The following NT5DC1 variants were observed in gnomAD, a reference collection of about 807,000 sequenced individuals.
The protein encoded by NT5DC1 is 5'-nucleotidase domain containing 1.
NT5DC1 carries 42 observed loss-of-function variants against 59.4 expected under a neutral mutation model. The observed-to-expected ratio is 0.71, with a 90% CI of 0.55 to 0.92. NT5DC1 has a LOEUF of 0.92. Ranked by LOEUF, NT5DC1 falls within the 40% of genes least tolerant of loss-of-function variation. The probability of loss-of-function intolerance (pLI) is 0.00; values close to 1 mark genes in which losing one functional copy is unlikely to be tolerated. For synonymous variants in NT5DC1, 172 were observed against 188.1 expected, an observed-to-expected ratio of 0.91 and a Z score of 0.70; for missense variants, 501 against 537.1, an observed-to-expected ratio of 0.93 and a Z score of 0.66.
intron 6 of NT5DC1, among the ~76,000 whole-genome samples, chr6:116,215,106 T>C (rs942710083): frequency 1.2e-4 from 19 of 152,246 alleles, no homozygotes; most frequent in African/African-American, 4.3e-4. Flanking sequence ...AATTATTGCT[T>C]TCCTGGTTCT....
At chr6:116,130,664 A>G (rs1417020651) in intron 6 of NT5DC1, among the ~76,000 whole-genome samples, 4 of 152,084 alleles carry the variant, frequency 2.6e-5, no homozygotes, top group Admixed American at 2.6e-4. Context: ...GGTGTTCATT[A>G]AATATAAGAT....
chr6:116,192,475 G>A (rs1781141632), intron 6 of NT5DC1, among the ~76,000 whole-genome samples: 1 of 151,964 alleles, frequency 6.6e-6, no homozygotes, highest in Non-Finnish European at 1.5e-5. Context: ...ACAGATGAAA[G>A]ACTTGAAATG....
At chr6:116,121,762 T>C (rs1562124932) in intron 6 of NT5DC1, 1 of 1,613,786 alleles carries the variant, frequency 6.2e-7, no homozygotes, top group South Asian at 1.1e-5. Context: ...GTCCTCTCTC[T>C]CCTGGTTTTC....
chr6:116,152,488 A>G (rs1338840534), intron 6 of NT5DC1, among the ~76,000 whole-genome samples: 1 of 152,108 alleles, frequency 6.6e-6, no homozygotes, highest in East Asian at 1.9e-4. Context: ...TATCTACCCC[A>G]CCGTGCCAGA....
chr6:116,227,196 A>G (rs1404382508), intron 8 of NT5DC1, among the ~76,000 whole-genome samples: 1 of 152,058 alleles, frequency 6.6e-6, no homozygotes, highest in African/African-American at 2.4e-5. Flanking sequence ...GCTTTTTTAC[A>G]TTCCAAATGT....
chr6:116,166,436 C>A (rs1203595479), intron 6 of NT5DC1, among the ~76,000 whole-genome samples: 2 of 152,148 alleles, frequency 1.3e-5, no homozygotes, highest in Admixed American at 6.5e-5. Context: ...AACAAAGGTG[C>A]TAAGAAATCA....
intron 6 of NT5DC1, among the ~76,000 whole-genome samples, chr6:116,164,323 C>A (rs1780414696): frequency 6.6e-6 from 1 of 152,042 alleles, no homozygotes; most frequent in African/African-American, 2.4e-5. Context: ...GAGTTGAAGT[C>A]TTTATCATGT....
At chr6:116,138,889 A>T (rs781129968) in intron 6 of NT5DC1, among the ~76,000 whole-genome samples, 106 of 152,218 alleles carry the variant, frequency 7.0e-4, no homozygotes, top group Non-Finnish European at 8.5e-4. Flanking sequence ...TTTTGGTTTG[A>T]TTTCCCCATA....
chr6:116,219,032 G>T (rs1781741498), intron 6 of NT5DC1, among the ~76,000 whole-genome samples: 2 of 152,124 alleles, frequency 1.3e-5, no homozygotes, highest in African/African-American at 4.8e-5. Flanking sequence ...GCTCATGCCT[G>T]TAATCACAGC....
chr6:116,174,396 G>T (rs1467716178), intron 6 of NT5DC1, among the ~76,000 whole-genome samples: 2 of 152,142 alleles, frequency 1.3e-5, no homozygotes, highest in Non-Finnish European at 2.9e-5. Context: ...CTGTTCAGCA[G>T]TGTTAATTCT....
chr6:116,237,605 C>A (rs1782142117), intron 9 of NT5DC1: 2 of 430,682 alleles, frequency 4.6e-6, no homozygotes, highest in African/African-American at 4.1e-5. Context: ...ATTCTCATAT[C>A]CCTTAACTCT....
chr6:116,125,615 A>T, intron 6 of NT5DC1: 2 of 922,636 alleles, frequency 2.2e-6, no homozygotes, highest in East Asian at 5.4e-5. Flanking sequence ...TTTTTAACCT[A>T]TCCTATATAT....
chr6:116,103,332 T>C (rs1393347961), intron 1 of NT5DC1, among the ~76,000 whole-genome samples: 1 of 152,114 alleles, frequency 6.6e-6, no homozygotes, highest in East Asian at 1.9e-4. Context: ...CACTGTTTAA[T>C]CACTTAACAG....
At chr6:116,108,716 CCTT>C (rs1778811388) in intron 3 of NT5DC1, among the ~76,000 whole-genome samples, 1 of 152,170 alleles carries the variant, frequency 6.6e-6, no homozygotes, top group Admixed American at 6.5e-5. Context: ...ATTGACCACT[CCTT>C]CTGGCAAAAG....
rs187914495 is a variant in NT5DC1, at chr6:116,178,704, T to C, written c.530-42350T>C. On this transcript the variant is annotated intron_variant, in intron 6 of 11. Transcript: ENST00000319550. ...AAATGTTATTGTACTTCCAGAAATA[T>C]AGAGCAGTTTCCCTATAATAATAAA... is the stretch of plus-strand genomic sequence containing the variant. 1.5e-3 allele frequency among the ~76,000 whole-genome samples: 228 copies of C among 152,320 alleles called. 1 individual carries two copies. Among genetic ancestry groups the C allele is most frequent in the Middle Eastern group, 0.014 (4 of 294 alleles).
intron 8 of NT5DC1, among the ~76,000 whole-genome samples, chr6:116,233,149 A>G (rs926068281): frequency 6.6e-6 from 1 of 152,244 alleles, no homozygotes; most frequent in Admixed American, 6.5e-5. Context: ...ATATTTTTAT[A>G]GAAAAATGTT....
chr6:116,108,274 T>C lies in NT5DC1; in HGVS notation c.186-90T>C. 3 of 804,572 alleles carry C rather than the reference T, an allele frequency of 3.7e-6. No homozygotes were observed. In the East Asian group the frequency reaches 7.4e-5, roughly 20 times the overall value. The allele number at this position is 804,572 out of a possible 1,614,324, so 49.8% of individuals were successfully genotyped here. A position where few individuals can be genotyped will look rare whatever the true frequency, so the allele number is the denominator to read the frequency against. ...TCCCCTGGGTGGCAGAATCCCTTTT[T>C]AGCATTATGATGTTTGGAAAATATA... On this transcript the variant is annotated intron_variant, in intron 2 of 11. Coordinates refer to ENST00000319550, the MANE Select transcript of NT5DC1 (RefSeq NM_152729.3).
Position 116,238,979 on chromosome 6 carries a change from A to T in NT5DC1, c.1108A>T (p.Thr370Ser), listed in dbSNP as rs755539752. 14 of 1,604,364 alleles carry T rather than the reference A, an allele frequency of 8.7e-6. No homozygotes were observed. The highest frequency in any genetic ancestry group is 1.7e-4 in the Middle Eastern group (1 of 6,058). Residue 370 changes from threonine (T) to serine (S), a missense_variant, in exon 11 of 12, where the codon ACT (threonine) becomes TCT (serine). Coordinates refer to ENST00000319550, the MANE Select transcript of NT5DC1 (RefSeq NM_152729.3). ...GGGACCAAAAGCAAAACCTTTAAATACTTCATCTAAAAAATGGGGCTCTTT... is the reference window on the plus strand; with the variant it reads ...GGGACCAAAAGCAAAACCTTTAAATTCTTCATCTAAAAAATGGGGCTCTTT... ...YEGPKAKPLNTSSKKWGSFFI... is the reference protein window; with the variant it reads ...YEGPKAKPLNSSSKKWGSFFI...
chr6:116,229,786 GTC>G (rs1781981380), intron 8 of NT5DC1, among the ~76,000 whole-genome samples: 1 of 152,152 alleles, frequency 6.6e-6, no homozygotes, highest in Non-Finnish European at 1.5e-5. Context: ...AACTCTCTCT[GTC>G]TCTCCTCTCT....
Sources: allele counts gnomAD v4.1 joint callset (sites outside exome capture counted in the v4.1 genomes callset), GRCh38; gene constraint gnomAD v4.1.1; transcripts MANE v1.5; gene names NCBI Gene and HGNC (gene_info 2026-07-23, HGNC 2026-07-21).